The following SPIDR variants were observed in gnomAD, a reference collection of about 807,000 sequenced individuals.
SPIDR encodes the protein DNA repair-scaffolding protein.
In SPIDR, 93 loss-of-function variants were observed where a neutral mutation model predicts 104.6. The ratio of observed to expected loss-of-function variants is 0.89; its 90% confidence interval spans 0.75 to 1.06. SPIDR has a LOEUF of 1.06. Ranked by LOEUF, SPIDR falls within the 50% of genes least tolerant of loss-of-function variation. The pLI is 0.00. For missense variants in SPIDR, 1,154 were observed against 1,111.2 expected (o/e 1.04, Z -0.55); for synonymous variants, 431 against 416.9 (o/e 1.03, Z -0.41).
At chr8:47,642,376 A>G (rs2069234345) in intron 10 of SPIDR, among the ~76,000 whole-genome samples, 1 of 150,712 alleles carries the variant, frequency 6.6e-6, no homozygotes, top group Admixed American at 6.7e-5. Flanking sequence ...AGATCGTGCC[A>G]CTGCACTCCA....
intron 8 of SPIDR, among the ~76,000 whole-genome samples, chr8:47,459,504 G>A (rs2073580166): frequency 6.6e-6 from 1 of 151,992 alleles, no homozygotes; most frequent in Non-Finnish European, 1.5e-5. Flanking sequence ...TTCTAATTGA[G>A]CTTATTTGGA....
At chr8:47,300,479 G>T (rs913968231) in intron 5 of SPIDR, among the ~76,000 whole-genome samples, 3 of 151,652 alleles carry the variant, frequency 2.0e-5, no homozygotes, top group Non-Finnish European at 4.4e-5. Context: ...CTTATTTCTT[G>T]CCTCTGCTAG....
chr8:47,679,713 T>C (rs557069157), intron 11 of SPIDR, among the ~76,000 whole-genome samples: 15 of 152,362 alleles, frequency 9.8e-5, no homozygotes, highest in African/African-American at 3.4e-4. Context: ...TTCATCATCA[T>C]TACAACTGTT....
chr8:47,666,327 T>G (rs2074927183), intron 10 of SPIDR, among the ~76,000 whole-genome samples: 1 of 152,344 alleles, frequency 6.6e-6, no homozygotes, highest in Non-Finnish European at 1.5e-5. Context: ...TGCAGAGAGT[T>G]CTCTTAGAAC....
At chr8:47,355,497 G>A (rs533631463) in intron 5 of SPIDR, among the ~76,000 whole-genome samples, 32 of 152,180 alleles carry the variant, frequency 2.1e-4, no homozygotes, top group South Asian at 1.7e-3. Flanking sequence ...TTGCGGTAAC[G>A]GAGCATTTAT....
At chr8:47,609,406 A>C (rs932322586) in intron 10 of SPIDR, among the ~76,000 whole-genome samples, 4 of 152,056 alleles carry the variant, frequency 2.6e-5, no homozygotes, top group Admixed American at 6.5e-5. Flanking sequence ...ATCCATTTTG[A>C]GTTAATTTGT....
At chr8:47,539,103 C>T (rs1192131979) in intron 8 of SPIDR, among the ~76,000 whole-genome samples, 1 of 151,858 alleles carries the variant, frequency 6.6e-6, no homozygotes, top group Non-Finnish European at 1.5e-5. Context: ...TCAGGTGATC[C>T]ACCCGCTTCA....
At chr8:47,450,035 A>G (rs1255040928) in intron 8 of SPIDR, among the ~76,000 whole-genome samples, 1 of 152,130 alleles carries the variant, frequency 6.6e-6, no homozygotes, top group Non-Finnish European at 1.5e-5. Flanking sequence ...ACGATGGTGC[A>G]TGCATGTAGT....
intron 8 of SPIDR, among the ~76,000 whole-genome samples, chr8:47,514,105 A>G (rs1416306289): frequency 6.6e-6 from 1 of 152,210 alleles, no homozygotes; most frequent in Non-Finnish European, 1.5e-5. Flanking sequence ...AATAATAACA[A>G]TTTAAGTATT....
intron 8 of SPIDR, among the ~76,000 whole-genome samples, chr8:47,507,939 C>T (rs554097473): frequency 2.0e-5 from 3 of 152,338 alleles, no homozygotes; most frequent in Admixed American, 2.0e-4. Context: ...GGCAGAGTTG[C>T]TTGCCTTCCA....
At chr8:47,459,579 A>G (rs782203437) in intron 8 of SPIDR, among the ~76,000 whole-genome samples, 2 of 151,994 alleles carry the variant, frequency 1.3e-5, no homozygotes, top group African/African-American at 4.8e-5. Flanking sequence ...TCAAAGAACC[A>G]GCTTTTTGTT....
intron 10 of SPIDR, among the ~76,000 whole-genome samples, chr8:47,607,133 A>G (rs1207582455): frequency 6.6e-6 from 1 of 152,220 alleles, no homozygotes; most frequent in Non-Finnish European, 1.5e-5. Flanking sequence ...TTCCTGTTGT[A>G]GAAAAGTTGG....
intron 14 of SPIDR, 107 bp from the exon 15 acceptor site, chr8:47,712,555 T>C: frequency 8.0e-7 from 1 of 1,249,604 alleles, no homozygotes; most frequent in Non-Finnish European, 1.1e-6. Context: ...AAAGTGTTTT[T>C]GAAATAATAT....
At chr8:47,362,002 G>A (rs974982874) in intron 5 of SPIDR, among the ~76,000 whole-genome samples, 2 of 152,202 alleles carry the variant, frequency 1.3e-5, no homozygotes, top group Non-Finnish European at 2.9e-5. Context: ...ATAGTCAGAG[G>A]TAGACCTCGA....
At chr8:47,689,064 AGTC>A (rs1427813119) in intron 11 of SPIDR, among the ~76,000 whole-genome samples, 6 of 152,116 alleles carry the variant, frequency 3.9e-5, no homozygotes, top group Non-Finnish European at 8.8e-5. Context: ...TCTGAGTAGT[AGTC>A]CTTCATTGGT....
chr8:47,581,399 G>A (rs1588028806), intron 8 of SPIDR, among the ~76,000 whole-genome samples: 1 of 152,142 alleles, frequency 6.6e-6, no homozygotes. Flanking sequence ...AGAATTAAAC[G>A]AGGGCTTTCT....
At chr8:47,408,159 C>A (rs1554668661) in intron 7 of SPIDR, among the ~76,000 whole-genome samples, 198 bp downstream of exon 7, 1 of 152,132 alleles carries the variant, frequency 6.6e-6, no homozygotes, top group African/African-American at 2.4e-5. Context: ...TAAGCATACT[C>A]TTATGAAAAC....
intron 7 of SPIDR, among the ~76,000 whole-genome samples, chr8:47,422,067 TGAG>T (rs2154335031): frequency 6.6e-6 from 1 of 152,212 alleles, no homozygotes; most frequent in East Asian, 1.9e-4. Context: ...GGGCCCCACT[TGAG>T]GAGGCAGTGT....
intron 15 of SPIDR, 183 bp downstream of exon 15, chr8:47,713,055 C>G: frequency 7.3e-7 from 1 of 1,362,888 alleles, no homozygotes; most frequent in Non-Finnish European, 9.4e-7. Context: ...GCCACCTGGG[C>G]AGAACCAGCT....
Sources: allele counts gnomAD v4.1 joint callset (sites outside exome capture counted in the v4.1 genomes callset), GRCh38; gene constraint gnomAD v4.1.1; transcripts MANE v1.5; gene names NCBI Gene and HGNC (gene_info 2026-07-23, HGNC 2026-07-21).